The following SERINC5 variants were observed in gnomAD, a reference collection of about 807,000 sequenced individuals.
The protein encoded by SERINC5 is serine incorporator 5, also known as chromosome 5 open reading frame 12.
Under a neutral mutation model 63.1 loss-of-function variants are expected in SERINC5, and 41 were observed. The observed-to-expected ratio is 0.65, with a 90% CI of 0.51 to 0.84. The LOEUF (loss-of-function observed/expected upper bound fraction) is 0.84. Among genes scored for constraint, SERINC5 ranks in the 40% least tolerant of loss-of-function variants. The probability of loss-of-function intolerance (pLI) is 0.00; values close to 1 mark genes in which losing one functional copy is unlikely to be tolerated. For synonymous variants in SERINC5, 222 were observed against 215.2 expected, an observed-to-expected ratio of 1.03 and a Z score of -0.28; for missense variants, 523 against 573.0, an observed-to-expected ratio of 0.91 and a Z score of 0.89.
In SERINC5 at chr5:80,174,952, A is replaced by G. The variant is rs1355034879; in HGVS notation, c.551+2T>C. The G allele has an allele frequency of 1.3e-6, 2 of 1,590,866 alleles. No homozygotes were observed. Reference sequence around the variant, plus strand: ...TGGGAAGCTTTCCATAAAGGCACACACCAGTTCTTGTTCCACTTATGTGCA... The same window carrying G: ...TGGGAAGCTTTCCATAAAGGCACACGCCAGTTCTTGTTCCACTTATGTGCA... On this transcript the variant is annotated splice_donor_variant, in intron 5 of 11. Coordinates refer to ENST00000507668, the MANE Select transcript of SERINC5 (RefSeq NM_001174072.3). LOFTEE classifies it high-confidence loss of function.
At chr5:80,130,310 G>C (rs2112253559) in intron 11 of SERINC5, among the ~76,000 whole-genome samples, 1 of 152,152 alleles carries the variant, frequency 6.6e-6, no homozygotes, top group South Asian at 2.1e-4. Context: ...AACCCAGGAG[G>C]CAGAGGTTGC....
At chr5:80,146,278 G>C in intron 10 of SERINC5, 44 bp from the exon 11 acceptor site, 1 of 1,606,510 alleles carries the variant, frequency 6.2e-7, no homozygotes, top group Non-Finnish European at 8.5e-7. Flanking sequence ...GTGAATGTGT[G>C]TGTTTACCAT....
intron 1 of SERINC5, among the ~76,000 whole-genome samples, chr5:80,236,714 C>T (rs1014349640): frequency 5.3e-5 from 8 of 151,816 alleles, no homozygotes; most frequent in Admixed American, 2.6e-4. Flanking sequence ...TCAGTAGAGG[C>T]GGGGGTTTCA....
At chr5:80,210,838 A>C (rs1184510274) in intron 1 of SERINC5, among the ~76,000 whole-genome samples, 1 of 152,186 alleles carries the variant, frequency 6.6e-6, no homozygotes, top group Non-Finnish European at 1.5e-5. Flanking sequence ...AAGTCGAAGA[A>C]GCCCAGGTAG....
intron 11 of SERINC5, among the ~76,000 whole-genome samples, chr5:80,132,752 A>G (rs1182723019): frequency 6.6e-6 from 1 of 152,166 alleles, no homozygotes; most frequent in Non-Finnish European, 1.5e-5. Flanking sequence ...GGTGTGAGCC[A>G]CCGTGCCTGG....
chr5:80,243,723 T>C (rs1752044557), intron 1 of SERINC5, among the ~76,000 whole-genome samples: 1 of 150,454 alleles, frequency 6.6e-6, no homozygotes, highest in Admixed American at 6.7e-5. Context: ...CTGGGCAACA[T>C]AGTGAGAGCC....
chr5:80,234,714 G>A (rs989829840), intron 1 of SERINC5, among the ~76,000 whole-genome samples: 2 of 152,104 alleles, frequency 1.3e-5, no homozygotes, highest in African/African-American at 4.8e-5. Context: ...ACCACCGGTG[G>A]CAGTTTCTAG....
intron 1 of SERINC5, 194 bp from the exon 2 acceptor site, chr5:80,203,247 T>C (rs1181246741): frequency 2.3e-6 from 1 of 438,304 alleles, no homozygotes; most frequent in Non-Finnish European, 4.2e-6. Flanking sequence ...TCTAAATAAA[T>C]ATATATACAC....
intron 2 of SERINC5, among the ~76,000 whole-genome samples, chr5:80,184,917 C>A (rs1320772181): frequency 6.6e-6 from 1 of 152,190 alleles, no homozygotes; most frequent in South Asian, 2.1e-4. Flanking sequence ...TGCTCTGTTG[C>A]CCAGGCTGGA....
At chr5:80,152,695 C>G (rs1746263546) in intron 8 of SERINC5, among the ~76,000 whole-genome samples, 1 of 152,110 alleles carries the variant, frequency 6.6e-6, no homozygotes, top group African/African-American at 2.4e-5. Context: ...AATCCCAGCA[C>G]TTTGGGAGGC....
intron 1 of SERINC5, among the ~76,000 whole-genome samples, chr5:80,215,419 G>T (rs1459298646): frequency 6.6e-6 from 1 of 152,154 alleles, no homozygotes; most frequent in East Asian, 1.9e-4. Context: ...CCATTTAAAG[G>T]TCTTTTCTTT....
At chr5:80,170,645 G>A (rs1354290575) in intron 5 of SERINC5, among the ~76,000 whole-genome samples, 1 of 152,110 alleles carries the variant, frequency 6.6e-6, no homozygotes, top group Non-Finnish European at 1.5e-5. Context: ...TTTTTGGCAG[G>A]ATGAAAAAAG....
At chr5:80,222,553 A>AGTGTGTGT (rs1554070041) in intron 1 of SERINC5, among the ~76,000 whole-genome samples, 6 of 139,010 alleles carry the variant, frequency 4.3e-5, no homozygotes, top group African/African-American at 1.5e-4. Context: ...TTTGTGGGTG[A>AGTGTGTGT]GTGTGTGAGT....
At chr5:80,204,746 TG>T (rs1488971525) in intron 1 of SERINC5, among the ~76,000 whole-genome samples, 2 of 151,878 alleles carry the variant, frequency 1.3e-5, no homozygotes, top group Non-Finnish European at 1.5e-5. Context: ...AACAAAAAGT[TG>T]GGCCCAAGAA....
chr5:80,226,854 T>C (rs1392132782), intron 1 of SERINC5, among the ~76,000 whole-genome samples: 4 of 152,188 alleles, frequency 2.6e-5, no homozygotes, highest in African/African-American at 9.7e-5. Flanking sequence ...ATATTGCCAT[T>C]TTTCACAAGT....
chr5:80,180,749 G>A (rs1166146363), intron 2 of SERINC5, among the ~76,000 whole-genome samples: 1 of 152,180 alleles, frequency 6.6e-6, no homozygotes, highest in Non-Finnish European at 1.5e-5. Context: ...ATTCAAAAAG[G>A]GAGTAAAGGA....
chr5:80,235,222 C>T (rs934779085), intron 1 of SERINC5, among the ~76,000 whole-genome samples: 8 of 152,202 alleles, frequency 5.3e-5, no homozygotes, highest in African/African-American at 1.7e-4. Flanking sequence ...TTTCACTTAG[C>T]ATAATGTCCT....
chr5:80,119,974 A>G (rs1230642453), intron 11 of SERINC5, among the ~76,000 whole-genome samples: 2 of 152,214 alleles, frequency 1.3e-5, no homozygotes, highest in African/African-American at 4.8e-5. Context: ...GAAACTAAAC[A>G]GAAATAGGGT....
chr5:80,236,195 C>T (rs924500921), intron 1 of SERINC5, among the ~76,000 whole-genome samples: 3 of 152,122 alleles, frequency 2.0e-5, no homozygotes, highest in African/African-American at 4.8e-5. Context: ...CATTTATGAA[C>T]TCATACTGTG....
Sources: allele counts gnomAD v4.1 joint callset (sites outside exome capture counted in the v4.1 genomes callset), GRCh38; gene constraint gnomAD v4.1.1; transcripts MANE v1.5; gene names NCBI Gene and HGNC (gene_info 2026-07-23, HGNC 2026-07-21).